YBX1: variants seen among roughly 807,000 people sequenced by gnomAD.
YBX1 encodes the protein Y-box-binding protein 1.
A neutral mutation model predicts 41.4 loss-of-function variants in YBX1; 3 were observed. The observed-to-expected ratio is 0.07, with a 90% confidence interval of 0.03 to 0.19. The LOEUF is 0.19. Ranked by LOEUF, YBX1 falls within the 10% of genes least tolerant of loss-of-function variation. YBX1 has a pLI of 1.00. For missense variants in YBX1, 274 were observed against 462.8 expected (o/e 0.59, Z 3.74); for synonymous variants, 133 against 165.8 (o/e 0.80, Z 1.52).
intron 1 of YBX1, 69 bp downstream of exon 1, chr1:42,682,800 G>C: frequency 9.1e-7 from 1 of 1,098,624 alleles, no homozygotes; most frequent in Non-Finnish European, 1.1e-6. Flanking sequence ...AGCCGGAGCT[G>C]GGCGAGCCGG....
chr1:42,700,609 T>TCCCCCCCC (rs5773785), intron 6 of YBX1, among the ~76,000 whole-genome samples, 172 bp from the exon 7 acceptor site: 1 of 48,200 alleles, frequency 2.1e-5, no homozygotes, highest in African/African-American at 9.7e-5. Context: ...CTACTCAGCA[T>TCCCCCCCC]CCCCCCCCCC....
At chr1:42,689,775 T>C (rs1650285268) in intron 2 of YBX1, among the ~76,000 whole-genome samples, 1 of 152,154 alleles carries the variant, frequency 6.6e-6, no homozygotes, top group Non-Finnish European at 1.5e-5. Context: ...GGAAGTTAAA[T>C]TTTTTTGCCT....
intron 2 of YBX1, among the ~76,000 whole-genome samples, chr1:42,684,260 G>C (rs1650136560): frequency 6.6e-6 from 1 of 152,228 alleles, no homozygotes; most frequent in Non-Finnish European, 1.5e-5. Context: ...AGGAGTGGTG[G>C]TGGTAACGTG....
rs772253514 is a variant in YBX1 at position 42,696,843 on chromosome 1, C to T, written c.556C>T (p.Arg186Trp). The change falls in exon 5 of 8, where the codon CGG becomes TGG. Residue 186 changes from arginine to tryptophan, a missense_variant. Around this residue, in one of 3 missense-constraint regions of YBX1, gnomAD observed 187 missense variants for 306.3 expected, o/e 0.61. Coordinates refer to ENST00000321358, the MANE Select transcript of YBX1 (RefSeq NM_004559.5). This position sits in a 1 kb window ranked among gnomAD's most constrained non-coding sequence, Gnocchi z 5.7. ...SAPEGQAQQR[R>W]PYRRRRFPPY... Reference sequence around the variant, plus strand: ...TCCCGAAGGCCAGGCCCAACAACGCCGGCCCTACCGCAGGCGAAGGTTCCC... The same window carrying T: ...TCCCGAAGGCCAGGCCCAACAACGCTGGCCCTACCGCAGGCGAAGGTTCCC... 6.2e-7 allele frequency: 1 copy of T among 1,611,872 alleles called. No homozygotes were observed. Among genetic ancestry groups the T allele is most frequent in the Non-Finnish European group, 8.5e-7 (1 of 1,178,656 alleles).
At chr1:42,683,082 G>A (rs1237775930) in intron 1 of YBX1, 7 of 517,676 alleles carry the variant, frequency 1.4e-5, no homozygotes, top group Non-Finnish European at 2.2e-5. Flanking sequence ...TCCCTTCCGC[G>A]TGTGCTCGGA....
At chr1:42,699,416 ACT>A (rs1225066330) in intron 6 of YBX1, among the ~76,000 whole-genome samples, 1 of 151,958 alleles carries the variant, frequency 6.6e-6, no homozygotes, top group Admixed American at 6.6e-5. Context: ...ACCCAGCTTG[ACT>A]CTGTGTTTCT....
At chr1:42,701,643 T>G (rs1020454665) in intron 7 of YBX1, among the ~76,000 whole-genome samples, 5 of 152,126 alleles carry the variant, frequency 3.3e-5, no homozygotes, top group Non-Finnish European at 5.9e-5. Context: ...TGCCTGTAGA[T>G]TAATAATAAT....
At chr1:42,695,245 C>G (rs1179985997) in intron 3 of YBX1, among the ~76,000 whole-genome samples, 2 of 152,126 alleles carry the variant, frequency 1.3e-5, no homozygotes, top group African/African-American at 2.4e-5. Flanking sequence ...CTTAATTGGC[C>G]TCAGATTCGT....
Position 42,700,805 on chromosome 1 carries a change from T to C in YBX1, c.765T>C (p.Pro255=), listed in dbSNP as rs978665936. The part of the protein sequence containing the change: ...FRRGPPRQRQ[P]REDGNEEDKE... ...GGGGCCCTCCTCGCCAAAGACAGCC[T>C]AGAGAGGACGGCAATGAAGAAGATA... The change falls in exon 7 of 8, where the codon CCT becomes CCC. Residue 255 remains proline, a synonymous_variant. Coordinates refer to ENST00000321358, the MANE Select transcript of YBX1 (RefSeq NM_004559.5). 1.2e-6 allele frequency: 2 copies of C among 1,611,654 alleles called. No homozygotes were observed. The highest frequency in any genetic ancestry group is 2.2e-5 in the East Asian group (1 of 44,850).
chr1:42,692,632 T>C (rs1484109026), intron 2 of YBX1, among the ~76,000 whole-genome samples: 1 of 152,236 alleles, frequency 6.6e-6, no homozygotes, highest in Non-Finnish European at 1.5e-5. Flanking sequence ...CTTTGTTCCC[T>C]TTGTCATTAA....
chr1:42,689,553 A>C (rs1460862163), intron 2 of YBX1, among the ~76,000 whole-genome samples: 2 of 152,164 alleles, frequency 1.3e-5, no homozygotes, highest in Non-Finnish European at 2.9e-5. Flanking sequence ...AATTTAGCTT[A>C]TTTTTTATGT....
At chr1:42,683,108 C>G (rs1310342104) in intron 1 of YBX1, 1 of 576,228 alleles carries the variant, frequency 1.7e-6, no homozygotes, top group African/African-American at 2.0e-5. Context: ...CGGCGCACCG[C>G]CTACGCAGGC....
At chr1:42,683,541 G>A in intron 2 of YBX1, 75 bp downstream of exon 2, 1 of 1,533,758 alleles carries the variant, frequency 6.5e-7, no homozygotes, top group Non-Finnish European at 9.0e-7. Flanking sequence ...TCGGGGCTTG[G>A]GAAGCCCCAA....
chr1:42,696,316 G>T lies in YBX1; in HGVS notation c.354+28G>T. 1 of 1,607,100 alleles carries T rather than the reference G, an allele frequency of 6.2e-7. No homozygotes were observed. Among genetic ancestry groups the T allele is most frequent in the South Asian group, 1.1e-5 (1 of 90,284 alleles). ...GAGGATGCTTTTTGTGTAAAGGTTT[G>T]ACTTCAGTATGGAAATATTTTGGAG... is the stretch of plus-strand genomic sequence containing the variant. On this transcript the variant is annotated intron_variant, in intron 4 of 7. Transcript: ENST00000321358. This position sits in a 1 kb window ranked among gnomAD's most constrained non-coding sequence, Gnocchi z 5.7.
chr1:42,682,494 G>A lies in YBX1; in HGVS notation c.-72G>A. On this transcript the variant is annotated 5_prime_UTR_variant, in exon 1 of 8. Coordinates refer to ENST00000321358, the MANE Select transcript of YBX1 (RefSeq NM_004559.5). ...CCTGAGCAGCCCCACCGCCGCCGCC[G>A]GCCTAGTTACCATCACACCCCGGGA... The A allele has an allele frequency of 7.4e-7, 1 of 1,358,086 alleles. No individual in the cohort carries two copies. Among genetic ancestry groups the A allele is most frequent in the Admixed American group, 3.6e-5 (1 of 27,662 alleles). 84.1% of individuals were successfully genotyped at this position (1,358,086 alleles called of 1,614,324 possible).
At position 42,702,939 on chromosome 1, in the gene YBX1, T is replaced by C. The variant is rs539280158; in HGVS notation, c.*990T>C. On this transcript the variant is annotated 3_prime_UTR_variant, in exon 8 of 8. Coordinates refer to ENST00000321358, the MANE Select transcript of YBX1 (RefSeq NM_004559.5). The stretch of plus-strand genomic sequence containing the variant: ...TAAGCCTAGTCTGGCTGATCTTTTC[T>C]CTTTTTGAGACGGAGTCTTGTTCTG... Among the ~76,000 whole-genome samples, 5 of 152,290 alleles carry C rather than the reference T, an allele frequency of 3.3e-5. No homozygotes were observed. Among genetic ancestry groups the C allele is most frequent in the Admixed American group, 6.5e-5 (1 of 15,290 alleles).
intron 1 of YBX1, chr1:42,683,107 G>A: frequency 1.8e-6 from 1 of 570,996 alleles, no homozygotes; most frequent in Non-Finnish European, 3.2e-6. Flanking sequence ...GCGGCGCACC[G>A]CCTACGCAGG....
intron 6 of YBX1, among the ~76,000 whole-genome samples, chr1:42,697,776 A>G (rs901026943): frequency 4.6e-5 from 7 of 152,170 alleles, no homozygotes; most frequent in Non-Finnish European, 1.0e-4. Context: ...TCGTTAGACA[A>G]CTATCTACTT....
At position 42,682,542 on chromosome 1, in the gene YBX1, G is replaced by T. The variant is rs1650056142; in HGVS notation, c.-24G>T. On this transcript the variant is annotated 5_prime_UTR_variant, in exon 1 of 8. Coordinates refer to ENST00000321358, the MANE Select transcript of YBX1 (RefSeq NM_004559.5). ...GGAGGAGCCGCAGCTGCCGCAGCCG[G>T]CCCCAGTCACCATCACCGCAACCAT... 1 of 1,447,050 alleles carries T rather than the reference G, an allele frequency of 6.9e-7. No individual in the cohort carries two copies. The allele number at this position is 1,447,050 out of a possible 1,614,324, so 89.6% of individuals were successfully genotyped here. A position where few individuals can be genotyped will look rare whatever the true frequency, so the allele number is the denominator to read the frequency against.
Sources: allele counts gnomAD v4.1 joint callset (sites outside exome capture counted in the v4.1 genomes callset), GRCh38; gene constraint gnomAD v4.1.1; regional missense constraint gnomAD v4.1.1; non-coding constraint Gnocchi (gnomAD v3.1); transcripts MANE v1.5; gene names NCBI Gene and HGNC (gene_info 2026-07-23, HGNC 2026-07-21).